Variants in ASAP1 observed in about 807,000 individuals in gnomAD.
ASAP1 encodes ArfGAP with SH3 domain, ankyrin repeat and PH domain 1, also known as arf-GAP with SH3 domain, ANK repeat and PH domain-containing protein 1.
In ASAP1, 43 loss-of-function variants were observed where a neutral mutation model predicts 145.2. That is an observed-to-expected ratio of 0.30 (90% confidence interval 0.23 to 0.38). ASAP1 has a LOEUF of 0.38. Among genes scored for constraint, ASAP1 ranks in the 10% least tolerant of loss-of-function variants. ASAP1 has a pLI of 1.00. For missense variants in ASAP1, 1,018 were observed against 1,355.3 expected (o/e 0.75, Z 3.91); for synonymous variants, 546 against 515.5 (o/e 1.06, Z -0.80).
chr8:130,213,183 T>C (rs983850581), intron 5 of ASAP1, among the ~76,000 whole-genome samples: 1 of 152,212 alleles, frequency 6.6e-6, no homozygotes, highest in Admixed American at 6.5e-5. Flanking sequence ...ACAGAAACAT[T>C]AGAGCCAAAG....
intron 12 of ASAP1, among the ~76,000 whole-genome samples, 164 bp from the exon 13 acceptor site, chr8:130,152,969 G>A (rs1382152121): frequency 6.6e-6 from 1 of 151,944 alleles, no homozygotes; most frequent in Non-Finnish European, 1.5e-5. Flanking sequence ...CCAGGTGGAA[G>A]GTAATTCACA....
At chr8:130,413,105 G>A (rs1247171960) in intron 1 of ASAP1, among the ~76,000 whole-genome samples, 2 of 152,218 alleles carry the variant, frequency 1.3e-5, no homozygotes, top group African/African-American at 2.4e-5. Context: ...AATACAGGAT[G>A]AGTATCTTGC....
intron 14 of ASAP1, among the ~76,000 whole-genome samples, chr8:130,135,167 C>G (rs974039049): frequency 2.0e-5 from 3 of 152,228 alleles, no homozygotes; most frequent in Admixed American, 2.0e-4. Flanking sequence ...CCCTTCATCT[C>G]TCTTGGAGAG....
At chr8:130,145,812 G>A (rs190219789) in intron 13 of ASAP1, among the ~76,000 whole-genome samples, 46 of 151,170 alleles carry the variant, frequency 3.0e-4, no homozygotes, top group African/African-American at 1.0e-3. Context: ...GGTCACAGCT[G>A]TTAACAACAG....
At chr8:130,143,153 A>C (rs561867020) in intron 13 of ASAP1, among the ~76,000 whole-genome samples, 1 of 152,340 alleles carries the variant, frequency 6.6e-6, no homozygotes, top group East Asian at 1.9e-4. Flanking sequence ...TCTCTTTCAA[A>C]AGCTACAAGA....
intron 7 of ASAP1, among the ~76,000 whole-genome samples, chr8:130,185,729 C>CAAAA (rs778486303): frequency 3.5e-4 from 20 of 57,096 alleles, no homozygotes; most frequent in African/African-American, 1.0e-3. Context: ...AACTCCGCCT[C>CAAAA]AAAAAAAAAA....
chr8:130,162,645 C>T (rs536458153), intron 11 of ASAP1, among the ~76,000 whole-genome samples: 25 of 151,956 alleles, frequency 1.6e-4, no homozygotes, highest in African/African-American at 5.1e-4. Flanking sequence ...GGTGAAACCC[C>T]GTCTCTACTA....
intron 1 of ASAP1, among the ~76,000 whole-genome samples, chr8:130,439,747 A>G (rs978523001): frequency 1.3e-5 from 2 of 152,220 alleles, no homozygotes; most frequent in African/African-American, 4.8e-5. Context: ...CGCAGGGGGA[A>G]GAACGTAAGC....
At chr8:130,371,318 T>C (rs766618625) in intron 2 of ASAP1, among the ~76,000 whole-genome samples, 1 of 152,186 alleles carries the variant, frequency 6.6e-6, no homozygotes, top group Non-Finnish European at 1.5e-5. Flanking sequence ...CAGAAGTCTA[T>C]CTAATTTCAA....
At chr8:130,060,188 A>C (rs2097415678) in intron 28 of ASAP1, among the ~76,000 whole-genome samples, 1 of 151,886 alleles carries the variant, frequency 6.6e-6, no homozygotes, top group Non-Finnish European at 1.5e-5. Flanking sequence ...TTTCATCCTC[A>C]AGGTTCCTAG....
rs370806786 is a variant in ASAP1, at chr8:130,066,621, T to A, written c.2702-5552A>T. On this transcript the variant is annotated intron_variant, in intron 27 of 29. Coordinates refer to ENST00000518721, the MANE Select transcript of ASAP1 (RefSeq NM_018482.4). ...CTCCTTCCTTCCTTGTTTCTTTTTC[T>A]TTCATTCATTCATTCATTCATTCAT... Among the ~76,000 whole-genome samples, 29 of 151,932 alleles carry A rather than the reference T, an allele frequency of 1.9e-4. 1 individual carries two copies. The highest frequency in any genetic ancestry group is 3.4e-4 in the African/African-American group (14 of 41,370).
At chr8:130,440,405 G>A (rs1486327661) in intron 1 of ASAP1, among the ~76,000 whole-genome samples, 2 of 151,894 alleles carry the variant, frequency 1.3e-5, no homozygotes, top group Non-Finnish European at 2.9e-5. Context: ...TACTCAGGAG[G>A]CTGAGGCAGG....
chr8:130,135,703 C>T (rs896512634), intron 14 of ASAP1, among the ~76,000 whole-genome samples: 2 of 152,114 alleles, frequency 1.3e-5, no homozygotes, highest in African/African-American at 4.8e-5. Context: ...ATATAAGGCA[C>T]CTGGCATGTA....
At chr8:130,182,934 G>GA (rs1043803386) in intron 7 of ASAP1, among the ~76,000 whole-genome samples, 17 of 148,746 alleles carry the variant, frequency 1.1e-4, no homozygotes, top group African/African-American at 4.2e-4. Flanking sequence ...AAAAAACACT[G>GA]AAAAAATAAC....
At chr8:130,361,626 A>T in intron 2 of ASAP1, 2 of 1,369,224 alleles carry the variant, frequency 1.5e-6, no homozygotes, top group Non-Finnish European at 2.0e-6. Context: ...ACCTCCTCAG[A>T]CTGGTCTGCA....
intron 3 of ASAP1, among the ~76,000 whole-genome samples, chr8:130,310,501 C>T (rs1321363211): frequency 1.3e-5 from 2 of 152,076 alleles, no homozygotes; most frequent in African/African-American, 2.4e-5. Flanking sequence ...AATTAAACCA[C>T]AAAGGCAATT....
At chr8:130,172,200 T>C (rs1017829476) in intron 9 of ASAP1, among the ~76,000 whole-genome samples, 2 of 152,238 alleles carry the variant, frequency 1.3e-5, no homozygotes, top group Non-Finnish European at 2.9e-5. Flanking sequence ...CGGAGCTGCA[T>C]AACTTTATCA....
chr8:130,401,590 C>A (rs1035590419), intron 2 of ASAP1, among the ~76,000 whole-genome samples: 1 of 152,134 alleles, frequency 6.6e-6, no homozygotes, highest in Non-Finnish European at 1.5e-5. Flanking sequence ...TCCTATAGCA[C>A]CTTATAGTGT....
At chr8:130,138,449 G>C (rs893111555) in intron 13 of ASAP1, among the ~76,000 whole-genome samples, 8 of 152,178 alleles carry the variant, frequency 5.3e-5, no homozygotes, top group African/African-American at 1.9e-4. Context: ...TGCCAAAGAG[G>C]AAACAGTGCT....
Sources: allele counts gnomAD v4.1 joint callset (sites outside exome capture counted in the v4.1 genomes callset), GRCh38; gene constraint gnomAD v4.1.1; transcripts MANE v1.5; gene names NCBI Gene and HGNC (gene_info 2026-07-23, HGNC 2026-07-21).